ASTN1: variants seen among roughly 807,000 people sequenced by gnomAD.
ASTN1 encodes the protein astrotactin 1.
In ASTN1, 41 loss-of-function variants were observed where a neutral mutation model predicts 140.7. The observed-to-expected ratio is 0.29, with a 90% CI of 0.23 to 0.38. The LOEUF is 0.38. Ranked by LOEUF, ASTN1 falls within the 10% of genes least tolerant of loss-of-function variation. The pLI, the probability that ASTN1 is intolerant of heterozygous loss-of-function variation, is 1.00. For missense variants in ASTN1, 1,479 were observed against 1,678.8 expected, an observed-to-expected ratio of 0.88 and a Z score of 2.08; for synonymous variants, 640 against 652.2, an observed-to-expected ratio of 0.98 and a Z score of 0.29.
intron 1 of ASTN1, among the ~76,000 whole-genome samples, chr1:177,066,953 G>C (rs751045382): frequency 3.9e-5 from 6 of 152,070 alleles, no homozygotes; most frequent in Non-Finnish European, 8.8e-5. Flanking sequence ...TCATGTTGAG[G>C]GCACCTGATG....
At chr1:177,003,114 G>A (rs1032623086) in intron 8 of ASTN1, among the ~76,000 whole-genome samples, 21 of 152,010 alleles carry the variant, frequency 1.4e-4, no homozygotes, top group African/African-American at 3.1e-4. Flanking sequence ...CTGAGAAGGC[G>A]AGAATCCTCT....
intron 2 of ASTN1, among the ~76,000 whole-genome samples, chr1:177,048,492 A>G (rs973374863): frequency 6.6e-5 from 10 of 152,240 alleles, no homozygotes; most frequent in African/African-American, 2.4e-4. Flanking sequence ...TCCATAAGAA[A>G]GAATTATATT....
chr1:177,065,166 C>A (rs956971776), intron 1 of ASTN1, among the ~76,000 whole-genome samples: 6 of 152,122 alleles, frequency 3.9e-5, no homozygotes, highest in African/African-American at 1.4e-4. Context: ...TCAACGAGAT[C>A]CTACTCAGTC....
chr1:176,970,581 A>G (rs188127861), intron 8 of ASTN1, among the ~76,000 whole-genome samples: 232 of 152,126 alleles, frequency 1.5e-3, no homozygotes, highest in Middle Eastern at 3.4e-3. Flanking sequence ...GTAGGTAGGT[A>G]GGTAGGTAGA....
chr1:176,990,494 A>G (rs894042912), intron 8 of ASTN1, among the ~76,000 whole-genome samples: 3 of 152,094 alleles, frequency 2.0e-5, no homozygotes, highest in African/African-American at 7.2e-5. Context: ...AGAGAAAAAA[A>G]GAAATCAAGA....
At chr1:176,977,246 T>C (rs1673406164) in intron 8 of ASTN1, among the ~76,000 whole-genome samples, 1 of 152,256 alleles carries the variant, frequency 6.6e-6, no homozygotes, top group Non-Finnish European at 1.5e-5. Context: ...TCTGTTTAAA[T>C]TCAACATATA....
chr1:176,862,238 G>A lies in ASTN1; in HGVS notation c.*2046C>T, dbSNP rs1667993640. 1.0e-6 allele frequency: 1 copy of A among 985,410 alleles called. No individual in the cohort carries two copies. The highest frequency in any genetic ancestry group is 1.2e-6 in the Non-Finnish European group (1 of 829,942). The allele number at this position is 985,410 out of a possible 1,614,324, so 61.0% of individuals were successfully genotyped here. ...TGAAAGTAGGGGAATCTCTGAGGCA[G>A]GTGCATTAGAGAGTTTGAAATAAAT... On this transcript the variant is annotated 3_prime_UTR_variant, in exon 23 of 23. Coordinates refer to ENST00000361833, the MANE Select transcript of ASTN1 (RefSeq NM_004319.3).
At chr1:176,978,852 A>G (rs919094230) in intron 8 of ASTN1, among the ~76,000 whole-genome samples, 2 of 152,202 alleles carry the variant, frequency 1.3e-5, no homozygotes, top group Non-Finnish European at 2.9e-5. Flanking sequence ...TAATATTCCT[A>G]TTGTATAGAT....
At chr1:177,034,323 C>A (rs539071490) in intron 2 of ASTN1, among the ~76,000 whole-genome samples, 1 of 151,686 alleles carries the variant, frequency 6.6e-6, no homozygotes, top group South Asian at 2.1e-4. Flanking sequence ...AGCAGAGACA[C>A]GAGGCAACAG....
intron 8 of ASTN1, among the ~76,000 whole-genome samples, chr1:177,005,232 T>C (rs187251911): frequency 1.2e-4 from 18 of 152,240 alleles, no homozygotes; most frequent in Admixed American, 4.6e-4. Context: ...GTAAAAATGC[T>C]CAACATTATT....
intron 2 of ASTN1, among the ~76,000 whole-genome samples, chr1:177,047,652 G>T (rs1410106160): frequency 1.3e-5 from 2 of 152,238 alleles, no homozygotes; most frequent in Admixed American, 6.5e-5. Context: ...GGTGAGGGGG[G>T]TCTGCACTCA....
intron 2 of ASTN1, among the ~76,000 whole-genome samples, chr1:177,036,866 C>G (rs1676743572): frequency 5.3e-5 from 8 of 152,088 alleles, no homozygotes; most frequent in Admixed American, 5.2e-4. Context: ...GTCACCCAGG[C>G]TGGAGTGCAG....
chr1:177,054,656 A>T (rs527267296), intron 2 of ASTN1, among the ~76,000 whole-genome samples: 3 of 152,160 alleles, frequency 2.0e-5, no homozygotes, highest in African/African-American at 7.2e-5. Flanking sequence ...TTCACTAAGG[A>T]GTTAGAATAA....
intron 1 of ASTN1, among the ~76,000 whole-genome samples, chr1:177,134,820 T>A: frequency 6.6e-6 from 1 of 152,032 alleles, no homozygotes; most frequent in Admixed American, 6.5e-5. Context: ...GGTATAATCA[T>A]TATTTTCAGA....
intron 1 of ASTN1, among the ~76,000 whole-genome samples, chr1:177,079,124 A>C (rs947403931): frequency 6.6e-6 from 1 of 152,188 alleles, no homozygotes; most frequent in African/African-American, 2.4e-5. Flanking sequence ...TGAGCATGAG[A>C]TCCAGGAAGA....
chr1:176,930,822 G>A (rs1334259758), intron 16 of ASTN1, among the ~76,000 whole-genome samples: 1 of 152,206 alleles, frequency 6.6e-6, no homozygotes, highest in Non-Finnish European at 1.5e-5. Context: ...ACCCTTGTAA[G>A]AAATGAGGTG....
At chr1:177,049,420 C>T (rs1677422805) in intron 2 of ASTN1, among the ~76,000 whole-genome samples, 1 of 152,110 alleles carries the variant, frequency 6.6e-6, no homozygotes, top group Non-Finnish European at 1.5e-5. Flanking sequence ...AAAAGCAAGT[C>T]AATTTAAATA....
Position 176,984,441 on chromosome 1 carries a change from G to A in ASTN1, c.1524-19204C>T, listed in dbSNP as rs115637698. Reference sequence around the variant, plus strand: ...CTTGTAAGGTAGTGAGGTTGCCATCGCACTGAAAGCTCACAGGCTGGACCC... The same window carrying A: ...CTTGTAAGGTAGTGAGGTTGCCATCACACTGAAAGCTCACAGGCTGGACCC... On this transcript the variant is annotated intron_variant, in intron 8 of 22. Transcript: ENST00000361833. 5.4e-3 allele frequency among the ~76,000 whole-genome samples: 815 copies of A among 152,232 alleles called. 6 individuals carry two copies. The highest frequency in any genetic ancestry group is 0.019 in the African/African-American group (774 of 41,536).
At chr1:177,053,494 A>G (rs1312447238) in intron 2 of ASTN1, among the ~76,000 whole-genome samples, 1 of 152,348 alleles carries the variant, frequency 6.6e-6, no homozygotes, top group Admixed American at 6.5e-5. Context: ...AGTAAGCATT[A>G]ATAATGTGAT....
Sources: allele counts gnomAD v4.1 joint callset (sites outside exome capture counted in the v4.1 genomes callset), GRCh38; gene constraint gnomAD v4.1.1; transcripts MANE v1.5; gene names NCBI Gene and HGNC (gene_info 2026-07-23, HGNC 2026-07-21).